RBM33: variants seen among roughly 807,000 people sequenced by gnomAD.
RBM33 encodes RNA binding motif protein 33.
RBM33 carries 28 observed loss-of-function variants against 132.6 expected under a neutral mutation model. That is an observed-to-expected ratio of 0.21 (90% CI 0.16 to 0.29). The LOEUF is 0.29. Among genes scored for constraint, RBM33 ranks in the 10% least tolerant of loss-of-function variants. The pLI is 1.00. For missense variants in RBM33, 1,291 were observed against 1,518.5 expected (o/e 0.85, Z 2.49); for synonymous variants, 634 against 593.0 (o/e 1.07, Z -1.01).
chr7:155,749,705 G>A (rs887567100), intron 14 of RBM33, among the ~76,000 whole-genome samples: 2 of 152,212 alleles, frequency 1.3e-5, no homozygotes, highest in South Asian at 2.1e-4. Context: ...ACATGAAAAC[G>A]CAGCCTGGAT....
At chr7:155,713,196 T>C (rs1430581169) in intron 8 of RBM33, among the ~76,000 whole-genome samples, 12 of 152,070 alleles carry the variant, frequency 7.9e-5, no homozygotes. Context: ...AGTTCTGTTT[T>C]GGGTGCATTA....
intron 9 of RBM33, among the ~76,000 whole-genome samples, chr7:155,726,832 C>T (rs779634242): frequency 6.6e-6 from 1 of 152,202 alleles, no homozygotes; most frequent in Admixed American, 6.5e-5. Flanking sequence ...ATGGATAAAG[C>T]ACTTAATAAA....
chr7:155,705,140 G>C (rs972606167), intron 6 of RBM33, among the ~76,000 whole-genome samples: 3 of 152,130 alleles, frequency 2.0e-5, no homozygotes, highest in African/African-American at 7.2e-5. Context: ...TTAGAATCTG[G>C]ACATAGTTCA....
Position 155,774,883 on chromosome 7 carries a change from TGC to T in RBM33, c.3465-108_3465-107del. 1 of 959,698 alleles carries T rather than the reference TGC, an allele frequency of 1.0e-6. No individual in the cohort carries two copies. The highest frequency in any genetic ancestry group is 1.6e-6 in the Non-Finnish European group (1 of 613,576). The allele number at this position is 959,698 out of a possible 1,614,324, so 59.4% of individuals were successfully genotyped here. On this transcript the variant is annotated intron_variant, in intron 17 of 17. Coordinates refer to ENST00000401878, the MANE Select transcript of RBM33 (RefSeq NM_053043.3). The surrounding 1 kb of genome is among the most constrained non-coding windows in gnomAD (Gnocchi z 4.2). Reference sequence around the variant, plus strand: ...CCGGGGAATCTGCCTTTTTATATGATGCGTTTTTATTAAACAGGACCCACCGG... The same window carrying T: ...CCGGGGAATCTGCCTTTTTATATGATGTTTTTATTAAACAGGACCCACCGG...
chr7:155,748,530 G>A (rs913720456), intron 14 of RBM33, among the ~76,000 whole-genome samples: 3 of 152,222 alleles, frequency 2.0e-5, no homozygotes, highest in African/African-American at 7.2e-5. Context: ...GTGTACTCAT[G>A]TCTGTGAGGC....
At chr7:155,677,382 G>A (rs545429717) in intron 3 of RBM33, among the ~76,000 whole-genome samples, 158 of 152,022 alleles carry the variant, frequency 1.0e-3, no homozygotes, top group African/African-American at 3.7e-3. Context: ...CTAATTTTTT[G>A]TACTTTTAGT....
At chr7:155,657,779 A>G (rs1047488448) in intron 1 of RBM33, among the ~76,000 whole-genome samples, 1 of 152,236 alleles carries the variant, frequency 6.6e-6, no homozygotes, top group African/African-American at 2.4e-5. Context: ...TTTTTAGCTT[A>G]TAAAATATTG....
intron 9 of RBM33, among the ~76,000 whole-genome samples, chr7:155,730,319 T>C (rs938977846): frequency 6.6e-6 from 1 of 152,252 alleles, no homozygotes; most frequent in African/African-American, 2.4e-5. Context: ...TATACTGATT[T>C]GGTTTTTACC....
chr7:155,763,530 G>A (rs1276485800), intron 14 of RBM33, among the ~76,000 whole-genome samples: 6 of 152,298 alleles, frequency 3.9e-5, no homozygotes, highest in Admixed American at 3.9e-4. Flanking sequence ...AGTATTTCAC[G>A]GAATTCGACA....
chr7:155,674,240 G>A (rs559082530), intron 3 of RBM33, among the ~76,000 whole-genome samples: 17 of 152,104 alleles, frequency 1.1e-4, no homozygotes, highest in Middle Eastern at 6.8e-3. Flanking sequence ...AGAGAGCCTC[G>A]TAGTTGGTCC....
At chr7:155,756,522 C>T (rs765308129) in intron 14 of RBM33, among the ~76,000 whole-genome samples, 3 of 152,148 alleles carry the variant, frequency 2.0e-5, no homozygotes, top group African/African-American at 7.2e-5. Flanking sequence ...GAATTGAAAG[C>T]GTTGTTTCCA....
At position 155,738,267 on chromosome 7, in the gene RBM33, C is replaced by T. The variant is rs369780630; in HGVS notation, c.1601C>T (p.Pro534Leu). Residue 534 changes from proline to leucine, a missense_variant, in exon 11 of 18, where the codon CCT (proline) becomes CTT (leucine). Coordinates refer to ENST00000401878, the MANE Select transcript of RBM33 (RefSeq NM_053043.3). ...RERPVRPALQ[P>L]PGPVGILHFS... ...CGGCCCGTACGACCAGCCTTGCAGC[C>T]TCCAGGTCCGGTGGGGATTCTGCAC... is the stretch of plus-strand genomic sequence containing the variant. The T allele has an allele frequency of 1.5e-5, 24 of 1,613,876 alleles. No individual in the cohort carries two copies. Among genetic ancestry groups the T allele is most frequent in the Non-Finnish European group, 2.0e-5 (24 of 1,179,906 alleles).
At chr7:155,687,181 G>A (rs141167938) in intron 5 of RBM33, among the ~76,000 whole-genome samples, 98,194 of 151,976 alleles carry the variant, frequency 0.65, 32,590 homozygotes, top group South Asian at 0.77. Flanking sequence ...TCTAACTGGC[G>A]TGAGATGGTA....
At chr7:155,754,854 G>A (rs1801797599) in intron 14 of RBM33, among the ~76,000 whole-genome samples, 1 of 152,178 alleles carries the variant, frequency 6.6e-6, no homozygotes, top group South Asian at 2.1e-4. Flanking sequence ...CTAACCTTAC[G>A]GATTTGGTTT....
chr7:155,748,503 T>G (rs761641464), intron 14 of RBM33, among the ~76,000 whole-genome samples: 3 of 152,378 alleles, frequency 2.0e-5, no homozygotes, highest in Non-Finnish European at 2.9e-5. Flanking sequence ...ATATACAATT[T>G]AATTAGGTTT....
intron 5 of RBM33, chr7:155,684,965 ACAAGGGCTG>A (rs1356099187): frequency 9.7e-6 from 15 of 1,550,454 alleles, no homozygotes; most frequent in Non-Finnish European, 1.3e-5. Context: ...ATGGTGGGCA[ACAAGGGCTG>A]CAAGAGCAGG....
intron 7 of RBM33, among the ~76,000 whole-genome samples, chr7:155,709,504 G>T (rs1800214728): frequency 1.3e-5 from 2 of 152,060 alleles, no homozygotes; most frequent in African/African-American, 4.8e-5. Context: ...CCTCTTTCCA[G>T]CTCCATTTTC....
chr7:155,694,422 A>G (rs1234594350), intron 5 of RBM33, among the ~76,000 whole-genome samples: 2 of 152,218 alleles, frequency 1.3e-5, no homozygotes, highest in African/African-American at 4.8e-5. Flanking sequence ...AAGCTTTAAA[A>G]ACATATTTGC....
At chr7:155,683,467 A>G (rs1799391528) in intron 5 of RBM33, among the ~76,000 whole-genome samples, 1 of 152,294 alleles carries the variant, frequency 6.6e-6, no homozygotes, top group African/African-American at 2.4e-5. Flanking sequence ...GAACTCTGAA[A>G]TGTGGATCTG....
Sources: gnomAD v4.1 joint callset for allele counts (sites outside exome capture counted in the v4.1 genomes callset) on GRCh38, gnomAD v4.1.1 for gene constraint, Gnocchi (gnomAD v3.1) non-coding constraint, MANE v1.5 for transcripts, NCBI Gene and HGNC (gene_info 2026-07-23, HGNC 2026-07-21) for gene names.